The following NR6A1 variants were observed in gnomAD, a reference collection of about 807,000 sequenced individuals.
NR6A1 encodes the protein retinoic acid receptor-related testis-associated receptor.
NR6A1 carries 7 observed loss-of-function variants against 59.1 expected under a neutral mutation model. That is an observed-to-expected ratio of 0.12 (90% CI 0.07 to 0.22). NR6A1 has a LOEUF of 0.22. NR6A1 is among the 10% of genes least tolerant of loss of function. The probability of loss-of-function intolerance (pLI) is 1.00; values close to 1 mark genes in which losing one functional copy is unlikely to be tolerated. For missense variants in NR6A1, 468 were observed against 611.6 expected, an observed-to-expected ratio of 0.77 and a Z score of 2.48; for synonymous variants, 243 against 236.1, an observed-to-expected ratio of 1.03 and a Z score of -0.27.
At chr9:124,637,208 G>A (rs1203333583) in intron 2 of NR6A1, among the ~76,000 whole-genome samples, 1 of 152,192 alleles carries the variant, frequency 6.6e-6, no homozygotes, top group Non-Finnish European at 1.5e-5. Context: ...ACAGTAGCAT[G>A]TACAAAGACA....
chr9:124,608,456 C>T (rs925292357), intron 2 of NR6A1, among the ~76,000 whole-genome samples: 2 of 152,106 alleles, frequency 1.3e-5, no homozygotes, highest in Admixed American at 6.5e-5. Context: ...TCCAAAGGAG[C>T]GGCAAAGGAC....
chr9:124,569,414 C>A (rs149049211), intron 2 of NR6A1, among the ~76,000 whole-genome samples: 1 of 152,290 alleles, frequency 6.6e-6, no homozygotes, highest in Admixed American at 6.5e-5. Flanking sequence ...GCTCAGGTTA[C>A]GCAAATTACA....
intron 2 of NR6A1, among the ~76,000 whole-genome samples, chr9:124,682,254 G>A (rs1838188728): frequency 6.6e-6 from 1 of 152,040 alleles, no homozygotes. Context: ...CACCCACCTC[G>A]GCCTCCCAGA....
intron 2 of NR6A1, among the ~76,000 whole-genome samples, chr9:124,601,411 C>T (rs949864512): frequency 6.6e-6 from 1 of 151,310 alleles, no homozygotes; most frequent in African/African-American, 2.4e-5. Flanking sequence ...AGTGAAACCC[C>T]ATCTCTACTA....
intron 2 of NR6A1, among the ~76,000 whole-genome samples, chr9:124,559,196 G>C (rs762126824): frequency 3.3e-5 from 5 of 152,134 alleles, no homozygotes; most frequent in African/African-American, 4.8e-5. Context: ...AAAGGCCTTA[G>C]AAATTGCCCT....
intron 2 of NR6A1, among the ~76,000 whole-genome samples, chr9:124,719,941 A>G (rs1360598900): frequency 4.6e-5 from 7 of 152,104 alleles, no homozygotes; most frequent in Non-Finnish European, 1.0e-4. Flanking sequence ...GAAGGCAGCC[A>G]CTACTCTGTT....
At chr9:124,747,732 G>A (rs1480785416) in intron 1 of NR6A1, among the ~76,000 whole-genome samples, 1 of 151,984 alleles carries the variant, frequency 6.6e-6, no homozygotes, top group Non-Finnish European at 1.5e-5. Context: ...CTCCTCCTGG[G>A]CTCCCACTTT....
At chr9:124,632,319 G>C (rs535903709) in intron 2 of NR6A1, among the ~76,000 whole-genome samples, 1 of 152,112 alleles carries the variant, frequency 6.6e-6, no homozygotes, top group Admixed American at 6.6e-5. Context: ...CGACAATCTT[G>C]CCAGCGTCTG....
intron 7 of NR6A1, among the ~76,000 whole-genome samples, chr9:124,533,528 T>C (rs1333050629): frequency 6.6e-6 from 1 of 152,174 alleles, no homozygotes; most frequent in Non-Finnish European, 1.5e-5. Context: ...TGGAGCACTG[T>C]GCTCTTCCTG....
At chr9:124,762,270 A>G (rs999567067) in intron 1 of NR6A1, among the ~76,000 whole-genome samples, 1 of 152,346 alleles carries the variant, frequency 6.6e-6, no homozygotes, top group Admixed American at 6.5e-5. Flanking sequence ...AAAATTTAAA[A>G]TATTTGATAA....
chr9:124,562,548 G>GCCTC (rs1834112680), intron 2 of NR6A1, among the ~76,000 whole-genome samples: 1 of 151,890 alleles, frequency 6.6e-6, no homozygotes, highest in Non-Finnish European at 1.5e-5. Context: ...CTCACGCCTC[G>GCCTC]CCTCCCGAGT....
At chr9:124,688,488 T>C (rs1334027248) in intron 2 of NR6A1, among the ~76,000 whole-genome samples, 2 of 152,216 alleles carry the variant, frequency 1.3e-5, no homozygotes, top group African/African-American at 4.8e-5. Context: ...TACCAATTAA[T>C]GGTTGGTATC....
intron 2 of NR6A1, among the ~76,000 whole-genome samples, chr9:124,670,271 C>T (rs989654888): frequency 1.3e-5 from 2 of 151,750 alleles, no homozygotes; most frequent in African/African-American, 2.4e-5. Flanking sequence ...ACATGCCTAC[C>T]GTCCCAGCTA....
chr9:124,770,754 A>G, intron 1 of NR6A1, among the ~76,000 whole-genome samples: 1 of 137,034 alleles, frequency 7.3e-6, no homozygotes, highest in African/African-American at 2.8e-5. Context: ...GGAGGGGGAA[A>G]TGAAGCTCGG....
intron 2 of NR6A1, among the ~76,000 whole-genome samples, chr9:124,587,927 G>C (rs919405884): frequency 2.6e-5 from 4 of 152,116 alleles, no homozygotes; most frequent in African/African-American, 9.7e-5. Context: ...GAGTGCAATG[G>C]CAAGATCATA....
chr9:124,577,140 G>C (rs571633464), intron 2 of NR6A1, among the ~76,000 whole-genome samples: 33 of 152,262 alleles, frequency 2.2e-4, no homozygotes, highest in African/African-American at 7.9e-4. Context: ...GTTCTTTCTG[G>C]AAATATCTTC....
At chr9:124,526,710 C>G in intron 8 of NR6A1, 69 bp downstream of exon 8, 1 of 1,593,970 alleles carries the variant, frequency 6.3e-7, no homozygotes, top group Non-Finnish European at 8.6e-7. Flanking sequence ...AGGGGTGAAA[C>G]AGGAGGGCAA....
chr9:124,745,096 A>C (rs1161579956), intron 1 of NR6A1, among the ~76,000 whole-genome samples: 1 of 152,196 alleles, frequency 6.6e-6, no homozygotes, highest in African/African-American at 2.4e-5. Context: ...AAATTCAAAC[A>C]CAGGAAAATG....
chr9:124,721,449 C>G (rs1346501708), intron 2 of NR6A1, among the ~76,000 whole-genome samples: 1 of 152,166 alleles, frequency 6.6e-6, no homozygotes, highest in East Asian at 1.9e-4. Context: ...ACAGAATCAA[C>G]TGAAGCTTTG....
Sources: allele counts gnomAD v4.1 joint callset (sites outside exome capture counted in the v4.1 genomes callset), GRCh38; gene constraint gnomAD v4.1.1; transcripts MANE v1.5; gene names NCBI Gene and HGNC (gene_info 2026-07-23, HGNC 2026-07-21).